The following HSPA9 variants were observed in gnomAD, a reference collection of about 807,000 sequenced individuals.
The protein encoded by HSPA9 is heat shock protein family A (Hsp70) member 9, also known as stress-70 protein, mitochondrial.
A neutral mutation model predicts 81.5 loss-of-function variants in HSPA9; 28 were observed. The observed-to-expected ratio is 0.34, with a 90% CI of 0.25 to 0.47. HSPA9 has a LOEUF of 0.47. HSPA9 is among the 20% of genes least tolerant of loss of function. HSPA9 has a pLI of 1.00. For missense variants in HSPA9, 678 were observed against 838.0 expected (o/e 0.81, Z 2.36); for synonymous variants, 293 against 290.4 (o/e 1.01, Z -0.09).
rs1316765038 is a variant in HSPA9, at chr5:138,560,078, A to G, written c.1196T>C (p.Val399Ala). 7 of 1,613,810 alleles carry G rather than the reference A, an allele frequency of 4.3e-6. No homozygotes were observed. In the African/African-American group the frequency reaches 6.7e-5, roughly 15 times the overall value. The change falls in exon 11 of 17, where the codon GTA becomes GCA. Residue 399 changes from valine (V) to alanine (A), a missense_variant. Around this residue, in one of 4 missense-constraint regions of HSPA9, gnomAD observed 484 missense variants for 647.5 expected, o/e 0.75. Transcript: ENST00000297185. ...MTRMPKVQQT[V>A]QDLFGRAPSK... ...TGGGGCTCTGCCAAAAAGATCCTGT[A>G]CAGTCTGCTGAACCTGAACATCAAG... is the stretch of plus-strand genomic sequence containing the variant.
At position 138,555,754 on chromosome 5, in the gene HSPA9, T is replaced by C. The variant is rs11032; in HGVS notation, c.*283A>G. On this transcript the variant is annotated 3_prime_UTR_variant, in exon 17 of 17. Transcript: ENST00000297185. ...AAAATATGGTCACTTCAGCATAAAATAGTTAAATCTTTATAATGATCAATT... is the reference window on the plus strand; with the variant it reads ...AAAATATGGTCACTTCAGCATAAAACAGTTAAATCTTTATAATGATCAATT... The C allele has an allele frequency of 0.042, 19,206 of 461,176 alleles. 481 individuals carry two copies. The highest frequency in any genetic ancestry group is 0.056 in the Admixed American group (1,619 of 29,084). 28.6% of individuals were successfully genotyped at this position (461,176 alleles called of 1,614,324 possible).
At chr5:138,561,503 A>T in intron 10 of HSPA9, 77 bp downstream of exon 10, 9 of 1,119,340 alleles carry the variant, frequency 8.0e-6, no homozygotes, top group Non-Finnish European at 1.2e-5. Context: ...AATGGGCCAT[A>T]TATTTGTGCC....
In HSPA9 at chr5:138,575,176, GCGAAGCCCGAGGCCCAAGGCC is replaced by G. The variant is rs1751062482; in HGVS notation, c.81+41_81+61del. The G allele has an allele frequency of 1.0e-5, 12 of 1,200,170 alleles. No homozygotes were observed. The Admixed American group carries it at 2.2e-4, about 22-fold the overall frequency. The allele number at this position is 1,200,170 out of a possible 1,614,324, so 74.3% of individuals were successfully genotyped here. ...CCTAAAGGGCGCGCGGCCTGCCGCA[GCGAAGCCCGAGGCCCAAGGCC>G]CGAGGCCGTGACCCCATTCGGGAAG... is the stretch of plus-strand genomic sequence containing the variant. On this transcript the variant is annotated intron_variant, in intron 1 of 16. Transcript: ENST00000297185.
At chr5:138,558,028 G>A (rs756717715) in intron 12 of HSPA9, 42 bp from the exon 13 acceptor site, 1 of 1,221,478 alleles carries the variant, frequency 8.2e-7, no homozygotes, top group Non-Finnish European at 1.2e-6. Context: ...CTTACAGAGG[G>A]GTCCAGTGCT....
In HSPA9 at chr5:138,575,306, T is replaced by A; in HGVS notation, c.13A>T (p.Ser5Cys). ...ACGAGACGGGCTGCTGCAGCTCGGC[T>A]GGCACTTATCATGGCGGATAAATGG... MISA[S>C]RAAAARLVGA... is the part of the protein sequence containing the mutation. The change falls in exon 1 of 17, where the codon AGC becomes TGC. Residue 5 changes from serine (S) to cysteine (C), a missense_variant. By Grantham distance (112) the Ser-to-Cys change is moderately radical. This residue lies in a region of HSPA9 where 89 missense variants were observed against 70.4 expected (regional missense o/e 1.27). Coordinates refer to ENST00000297185, the MANE Select transcript of HSPA9 (RefSeq NM_004134.7). The A allele has an allele frequency of 2.5e-6, 4 of 1,611,954 alleles. No homozygotes were observed. Among genetic ancestry groups the A allele is most frequent in the Non-Finnish European group, 3.4e-6 (4 of 1,179,470 alleles).
intron 3 of HSPA9, 107 bp downstream of exon 3, chr5:138,573,641 CAAAAAAAAAAAAAAA>C (rs57776368): frequency 1.2e-4 from 36 of 304,406 alleles, no homozygotes; most frequent in Admixed American, 1.6e-4. Context: ...AGACTGTCTC[CAAAAAAAAAAAAAAA>C]AAAAAAAAAA....
At chr5:138,571,188 G>A (rs376250936) in intron 3 of HSPA9, 47 bp from the exon 4 acceptor site, 23 of 1,585,696 alleles carry the variant, frequency 1.5e-5, no homozygotes, top group South Asian at 3.3e-5. Context: ...GTTATCACTG[G>A]TATGTTTTTT....
rs10117 is a variant in HSPA9 at position 138,556,481 on chromosome 5, G to A, written c.1933C>T (p.Leu645=). 710,049 of 1,612,568 alleles carry A rather than the reference G, an allele frequency of 0.44. 167,664 individuals carry two copies. Among genetic ancestry groups the A allele is most frequent in the East Asian group, 0.81 (36,270 of 44,860 alleles). ...QAASSLQQAS[L]KLFEMAYKKM... ...TTGTATGCCATTTCGAACAGCTTCA[G>A]TGATGCCTGCTGAAGAGAGGATGCT... Residue 645 remains leucine (L), a synonymous_variant, in exon 16 of 17, where the codon CTG becomes TTG. Transcript: ENST00000297185.
At chr5:138,559,651 CA>C in intron 11 of HSPA9, 1 of 539,448 alleles carries the variant, frequency 1.9e-6, no homozygotes, top group Non-Finnish European at 3.3e-6. Flanking sequence ...TTATAATCAT[CA>C]CTACCAGCTA....
chr5:138,557,357 CTG>C, intron 14 of HSPA9, 43 bp downstream of exon 14: 3 of 1,348,338 alleles, frequency 2.2e-6, no homozygotes, highest in Non-Finnish European at 3.2e-6. Flanking sequence ...ACTGTCAAGA[CTG>C]AGCTTTACTA....
At chr5:138,567,362 CA>C in intron 7 of HSPA9, 92 bp downstream of exon 7, 1 of 1,101,512 alleles carries the variant, frequency 9.1e-7, no homozygotes, top group Non-Finnish European at 1.4e-6. Context: ...GACTTAAAAT[CA>C]GTAAAAGCAC....
chr5:138,561,882 A>G (rs905626305), intron 9 of HSPA9, 93 bp from the exon 10 acceptor site: 112 of 980,952 alleles, frequency 1.1e-4, no homozygotes, highest in Non-Finnish European at 1.8e-4. Context: ...GCCCTAGGAC[A>G]GAAGACTTGC....
At position 138,575,374 on chromosome 5, in the gene HSPA9, T is replaced by G; in HGVS notation, c.-56A>C. 3 of 1,435,102 alleles carry G rather than the reference T, an allele frequency of 2.1e-6. No homozygotes were observed. The highest frequency in any genetic ancestry group is 2.9e-6 in the Non-Finnish European group (3 of 1,024,068). 88.9% of individuals were successfully genotyped at this position (1,435,102 alleles called of 1,614,324 possible). A position where few individuals can be genotyped will look rare whatever the true frequency, so the allele number is the denominator to read the frequency against. ...AACAAGCGCTCCGACGGCAAAGAGC[T>G]GCGCGATGCGGTGGCGGCAGCGCTT... is the stretch of plus-strand genomic sequence containing the variant. On this transcript the variant is annotated 5_prime_UTR_variant, in exon 1 of 17. Transcript: ENST00000297185.
Position 138,556,829 on chromosome 5 carries a change from A to C in HSPA9, c.1766T>G (p.Ile589Ser). 1 of 1,613,970 alleles carries C rather than the reference A, an allele frequency of 6.2e-7. No homozygotes were observed. The highest frequency in any genetic ancestry group is 1.3e-5 in the African/African-American group (1 of 75,054). ...TTCCATCTTGGTTTCTGTGTCGTGA[A>C]TGATTCCTTCAGCCATATTAACTGC... ...VEAVNMAEGIIHDTETKMEEF... is the reference protein window; with the variant it reads ...VEAVNMAEGISHDTETKMEEF... Residue 589 changes from isoleucine to serine, a missense_variant, in exon 15 of 17, where the codon ATT becomes AGT. This residue lies in a region of HSPA9 where 484 missense variants were observed against 647.5 expected (regional missense o/e 0.75). Coordinates refer to ENST00000297185, the MANE Select transcript of HSPA9 (RefSeq NM_004134.7).
At chr5:138,573,500 A>G (rs1459428875) in intron 3 of HSPA9, among the ~76,000 whole-genome samples, 1 of 152,028 alleles carries the variant, frequency 6.6e-6, no homozygotes, top group African/African-American at 2.4e-5. Flanking sequence ...AAATACAAAA[A>G]ATTAGCCAGG....
chr5:138,569,543 T>C (rs996447275), intron 4 of HSPA9, among the ~76,000 whole-genome samples: 1 of 152,168 alleles, frequency 6.6e-6, no homozygotes, highest in Admixed American at 6.5e-5. Context: ...TACAGTATAG[T>C]ATTATTTGGC....
At chr5:138,558,007 A>C in intron 12 of HSPA9, 21 bp from the exon 13 acceptor site, 11 of 1,487,240 alleles carry the variant, frequency 7.4e-6, no homozygotes, top group Non-Finnish European at 1.0e-5. Context: ...TAATATCCAG[A>C]GTAAGGTCCT....
At chr5:138,567,595 C>T in intron 6 of HSPA9, 34 bp from the exon 7 acceptor site, 2 of 1,606,568 alleles carry the variant, frequency 1.2e-6, no homozygotes, top group Non-Finnish European at 1.7e-6. Context: ...ATTTTTGTAC[C>T]CTTCCATCCC....
chr5:138,567,437 T>C lies in HSPA9; in HGVS notation c.716+18A>G, dbSNP rs1750790378. 5 of 1,590,496 alleles carry C rather than the reference T, an allele frequency of 3.1e-6. No individual in the cohort carries two copies. The highest frequency in any genetic ancestry group is 4.3e-6 in the Non-Finnish European group (5 of 1,158,684). On this transcript the variant is annotated intron_variant, in intron 7 of 16. Transcript: ENST00000297185. ...TAGTTTCACACATCCAGGTGAGAAA[T>C]TTACTGCACAAACTTACACTTTGTC...
Sources: gnomAD v4.1 joint callset for allele counts (sites outside exome capture counted in the v4.1 genomes callset) on GRCh38, gnomAD v4.1.1 for gene constraint, gnomAD v4.1.1 regional missense constraint, MANE v1.5 for transcripts, NCBI Gene and HGNC (gene_info 2026-07-23, HGNC 2026-07-21) for gene names.